Variants in FGF10 observed in about 807,000 individuals in gnomAD.
FGF10 encodes the protein FGF-10.
A neutral mutation model predicts 19.8 loss-of-function variants in FGF10; 2 were observed. That is an observed-to-expected ratio of 0.10 (90% CI 0.04 to 0.32). FGF10 has a LOEUF of 0.32. Ranked by LOEUF, FGF10 falls within the 10% of genes least tolerant of loss-of-function variation. The pLI is 1.00. For missense variants in FGF10, 191 were observed against 246.3 expected, an observed-to-expected ratio of 0.78 and a Z score of 1.50; for synonymous variants, 112 against 94.0, an observed-to-expected ratio of 1.19 and a Z score of -1.10.
intron 1 of FGF10, 61 bp downstream of exon 1, chr5:44,388,296 TC>T (rs1174569413): frequency 1.7e-5 from 25 of 1,477,196 alleles, no homozygotes; most frequent in East Asian, 4.5e-5. Context: ...AACAGATTTT[TC>T]CCCCCCGTGT....
chr5:44,310,857 A>T (rs961662537), intron 1 of FGF10, among the ~76,000 whole-genome samples: 1 of 152,150 alleles, frequency 6.6e-6, no homozygotes, highest in Admixed American at 6.6e-5. Flanking sequence ...ATATTGAAAC[A>T]ACTCTACTCA....
chr5:44,351,082 T>A (rs1326024538), intron 1 of FGF10, among the ~76,000 whole-genome samples: 1 of 151,488 alleles, frequency 6.6e-6, no homozygotes, highest in Admixed American at 6.6e-5. Flanking sequence ...GCTAATTAAG[T>A]TTAGCCCGCA....
At chr5:44,318,141 A>T (rs1740398644) in intron 1 of FGF10, among the ~76,000 whole-genome samples, 1 of 152,114 alleles carries the variant, frequency 6.6e-6, no homozygotes, top group Non-Finnish European at 1.5e-5. Context: ...GTGACCCAAG[A>T]TAACTGACTT....
chr5:44,378,223 A>G (rs1741909246), intron 1 of FGF10, among the ~76,000 whole-genome samples: 1 of 152,064 alleles, frequency 6.6e-6, no homozygotes, highest in South Asian at 2.1e-4. Flanking sequence ...TTGGACTGTG[A>G]TCTGTTATAT....
chr5:44,342,740 G>A (rs1356033845), intron 1 of FGF10, among the ~76,000 whole-genome samples: 2 of 151,924 alleles, frequency 1.3e-5, no homozygotes, highest in East Asian at 3.9e-4. Context: ...TTAAGTTGGA[G>A]AATGTTGCCG....
At chr5:44,359,848 C>T (rs374883471) in intron 1 of FGF10, among the ~76,000 whole-genome samples, 3 of 151,420 alleles carry the variant, frequency 2.0e-5, no homozygotes, top group African/African-American at 4.8e-5. Context: ...CAACTTTCAC[C>T]CCCTAACCCT....
chr5:44,379,864 G>A (rs1741948638), intron 1 of FGF10, among the ~76,000 whole-genome samples: 2 of 152,072 alleles, frequency 1.3e-5, no homozygotes, highest in South Asian at 2.1e-4. Context: ...AACACTCTAG[G>A]GCCTCTTCTC....
intron 1 of FGF10, among the ~76,000 whole-genome samples, chr5:44,341,454 A>G (rs1296133863): frequency 6.6e-6 from 1 of 151,802 alleles, no homozygotes; most frequent in Non-Finnish European, 1.5e-5. Flanking sequence ...GATAGATAAT[A>G]GATAGTCTGA....
intron 2 of FGF10, among the ~76,000 whole-genome samples, chr5:44,308,403 T>C (rs954382478): frequency 1.3e-5 from 2 of 152,176 alleles, no homozygotes; most frequent in African/African-American, 4.8e-5. Context: ...TTTTCTTCCT[T>C]AATCTAAATT....
chr5:44,334,158 T>C (rs1286351383), intron 1 of FGF10, among the ~76,000 whole-genome samples: 2 of 152,112 alleles, frequency 1.3e-5, no homozygotes, highest in Admixed American at 1.3e-4. Flanking sequence ...CATCAGTTAC[T>C]TGTCTTGAAA....
rs957825837 is a variant in FGF10 at position 44,355,808 on chromosome 5, C to T, written c.325+32550G>A. 2.6e-5 allele frequency among the ~76,000 whole-genome samples: 4 copies of T among 151,252 alleles called. No individual in the cohort carries two copies. The East Asian group carries it at 5.9e-4, about 22-fold the overall frequency. On this transcript the variant is annotated intron_variant, in intron 1 of 2. Transcript: ENST00000264664. ...CGTCATGATTCAGTTTCCTATTCTG[C>T]ATCTTATAAATAAAATAAATTCAGA... is the stretch of plus-strand genomic sequence containing the variant.
intron 1 of FGF10, among the ~76,000 whole-genome samples, chr5:44,357,187 C>T (rs939829403): frequency 2.0e-5 from 3 of 151,196 alleles, no homozygotes; most frequent in Non-Finnish European, 4.4e-5. Context: ...AACAACAAAA[C>T]CCTAAAGTTG....
At chr5:44,310,758 T>C (rs376823432) in intron 1 of FGF10, among the ~76,000 whole-genome samples, 3 of 152,230 alleles carry the variant, frequency 2.0e-5, no homozygotes, top group African/African-American at 7.2e-5. Flanking sequence ...TTTAAAAGAA[T>C]TCCCCTTCAT....
intron 1 of FGF10, among the ~76,000 whole-genome samples, chr5:44,325,211 C>T (rs1032750531): frequency 9.9e-5 from 15 of 152,142 alleles, no homozygotes; most frequent in Middle Eastern, 3.4e-3. Flanking sequence ...GTTAGAATGG[C>T]GGTCATTAAA....
chr5:44,318,177 AT>A (rs1442138994), intron 1 of FGF10, among the ~76,000 whole-genome samples: 2 of 152,156 alleles, frequency 1.3e-5, no homozygotes, highest in Non-Finnish European at 2.9e-5. Context: ...AATGGGATAA[AT>A]TGCGGGAAAT....
intron 1 of FGF10, among the ~76,000 whole-genome samples, chr5:44,336,716 G>A (rs1419398430): frequency 2.0e-5 from 3 of 152,128 alleles, no homozygotes; most frequent in Non-Finnish European, 4.4e-5. Flanking sequence ...TAGAACTGTG[G>A]TAAGAATTAA....
intron 2 of FGF10, among the ~76,000 whole-genome samples, chr5:44,309,650 T>C (rs1740163374): frequency 6.6e-6 from 1 of 152,192 alleles, no homozygotes; most frequent in Non-Finnish European, 1.5e-5. Context: ...ATAAATTGTC[T>C]CACTGCTTGT....
At position 44,302,204 on chromosome 5, in the gene FGF10, G is replaced by A. The variant is rs895103642; in HGVS notation, c.*2791C>T. Reference sequence around the variant, plus strand: ...ATGCCACTTTTAAATGCAAGAGAATGTCATTACTCCTTACCAAACAATCTT... The same window carrying A: ...ATGCCACTTTTAAATGCAAGAGAATATCATTACTCCTTACCAAACAATCTT... On this transcript the variant is annotated 3_prime_UTR_variant, in exon 3 of 3. Coordinates refer to ENST00000264664, the MANE Select transcript of FGF10 (RefSeq NM_004465.2). Among the ~76,000 whole-genome samples, 3 of 151,180 alleles carry A rather than the reference G, an allele frequency of 2.0e-5. No individual in the cohort carries two copies. The highest frequency in any genetic ancestry group is 4.4e-5 in the Non-Finnish European group (3 of 67,902).
intron 1 of FGF10, among the ~76,000 whole-genome samples, chr5:44,349,422 T>TTATATATATATA (rs869035955): frequency 2.4e-5 from 1 of 41,424 alleles, no homozygotes; most frequent in African/African-American, 9.5e-5. Flanking sequence ...AGCATTTTCT[T>TTATATATATATA]TATATATATA....
Sources: allele counts gnomAD v4.1 joint callset (sites outside exome capture counted in the v4.1 genomes callset), GRCh38; gene constraint gnomAD v4.1.1; transcripts MANE v1.5; gene names NCBI Gene and HGNC (gene_info 2026-07-23, HGNC 2026-07-21).